Variants in NT5DC3 observed in about 807,000 individuals in gnomAD.
NT5DC3 encodes the protein 5'-nucleotidase domain containing 3.
In NT5DC3, 42 loss-of-function variants were observed where a neutral mutation model predicts 67.8. The ratio of observed to expected loss-of-function variants is 0.62; its 90% CI spans 0.48 to 0.80. The LOEUF (loss-of-function observed/expected upper bound fraction) is 0.80, where lower values mean the gene tolerates loss of function less well. NT5DC3 is among the 30% of genes least tolerant of loss of function. The pLI is 0.00. For missense variants in NT5DC3, 570 were observed against 696.4 expected (o/e 0.82, Z 2.04); for synonymous variants, 237 against 255.6 (o/e 0.93, Z 0.69).
chr12:103,790,343 T>C (rs1885990950), intron 9 of NT5DC3, among the ~76,000 whole-genome samples: 1 of 152,002 alleles, frequency 6.6e-6, no homozygotes, highest in African/African-American at 2.4e-5. Flanking sequence ...TGGTGCAACC[T>C]TGGCTCACTG....
At chr12:103,782,263 G>C (rs572891843) in intron 12 of NT5DC3, among the ~76,000 whole-genome samples, 2 of 152,160 alleles carry the variant, frequency 1.3e-5, no homozygotes, top group Non-Finnish European at 2.9e-5. Flanking sequence ...TAGCTACTCA[G>C]GAGGGTAGGC....
rs1286983561 is a variant in NT5DC3 at position 103,776,923 on chromosome 12, G to A, written c.*906C>T. 1 of 152,190 alleles carries A rather than the reference G, an allele frequency of 6.6e-6. No individual in the cohort carries two copies. The highest frequency in any genetic ancestry group is 1.9e-4 in the East Asian group (1 of 5,190). The allele number at this position is 152,190 out of a possible 1,614,324, so 9.4% of individuals were successfully genotyped here. The stretch of plus-strand genomic sequence containing the variant: ...AGGATTCCAATTCAACTGGGTGGGT[G>A]GCATGGCATAGCATTTCATGACAAA... On this transcript the variant is annotated 3_prime_UTR_variant, in exon 14 of 14. Coordinates refer to ENST00000392876, the MANE Select transcript of NT5DC3 (RefSeq NM_001031701.3).
intron 1 of NT5DC3, among the ~76,000 whole-genome samples, chr12:103,840,531 G>A (rs560226580): frequency 1.3e-4 from 20 of 148,392 alleles, no homozygotes; most frequent in Non-Finnish European, 2.8e-4. Context: ...CCCGCTCTTG[G>A]GCATCTCTGC....
intron 13 of NT5DC3, among the ~76,000 whole-genome samples, chr12:103,779,260 T>C (rs573632620): frequency 6.6e-6 from 1 of 152,176 alleles, no homozygotes; most frequent in African/African-American, 2.4e-5. Context: ...TACGGGCATG[T>C]ATATCTATAT....
At chr12:103,770,641 A>C (rs928962296), downstream of NT5DC3, 4 of 152,160 alleles carry the variant, frequency 2.6e-5, no homozygotes, top group African/African-American at 7.2e-5. Flanking sequence ...TCACTATGTT[A>C]CCCAGGCTGG....
At chr12:103,821,625 GGA>G (rs1278042022) in intron 1 of NT5DC3, among the ~76,000 whole-genome samples, 1 of 152,194 alleles carries the variant, frequency 6.6e-6, no homozygotes, top group African/African-American at 2.4e-5. Context: ...ACATAAATCT[GGA>G]GATGTGAGGG....
chr12:103,750,793 G>T, the NT5DC3 span: 7 of 1,504,480 alleles, frequency 4.7e-6, no homozygotes, highest in Non-Finnish European at 5.3e-6. Context: ...TCAAGGGAAA[G>T]AAGAAAAACA....
intron 10 of NT5DC3, among the ~76,000 whole-genome samples, 194 bp downstream of exon 10, chr12:103,788,644 G>C (rs534173614): frequency 1.3e-5 from 2 of 152,072 alleles, no homozygotes; most frequent in Non-Finnish European, 2.9e-5. Flanking sequence ...ATTCAATTTT[G>C]AGTTAGATAC....
At chr12:103,767,007 G>A (rs1377424377), downstream of NT5DC3, 1 of 152,318 alleles carries the variant, frequency 6.6e-6, no homozygotes, top group African/African-American at 2.4e-5. Flanking sequence ...TACAGCCACT[G>A]TAGAAAACAG....
intron 3 of NT5DC3, 83 bp from the exon 4 acceptor site, chr12:103,806,460 T>A (rs919002246): frequency 1.1e-5 from 11 of 969,604 alleles, no homozygotes; most frequent in Middle Eastern, 4.8e-4. Flanking sequence ...TCATCATATA[T>A]CCTATCAACA....
At position 103,784,374 on chromosome 12, in the gene NT5DC3, T is replaced by C. The variant is rs140112093; in HGVS notation, c.1329+961A>G. On this transcript the variant is annotated intron_variant, in intron 12 of 13. Transcript: ENST00000392876. ...GCCCAGGGGGACGTGCAGGGCCCCATGCTCTGGAATGCATGCACCTGGAGC... is the reference window on the plus strand; with the variant it reads ...GCCCAGGGGGACGTGCAGGGCCCCACGCTCTGGAATGCATGCACCTGGAGC... Among the ~76,000 whole-genome samples the C allele has an allele frequency of 3.2e-3, 489 of 152,340 alleles. 4 individuals carry two copies. The highest frequency in any genetic ancestry group is 0.011 in the African/African-American group (463 of 41,580).
rs1329200601 is a variant in NT5DC3 at position 103,797,073 on chromosome 12, ACG to A, written c.616-44_616-43del. 7 of 1,611,316 alleles carry A rather than the reference ACG, an allele frequency of 4.3e-6. No individual in the cohort carries two copies. The South Asian group carries it at 4.4e-5, about 10-fold the overall frequency. On this transcript the variant is annotated intron_variant, in intron 5 of 13. Transcript: ENST00000392876. ...AGGAATGCTTTAGAAACAGGGGCCC[ACG>A]CAAGGGACAGAGCCACGAAGCACCA...
At chr12:103,749,986 GA>G in the NT5DC3 span, among the ~76,000 whole-genome samples, 2 of 151,966 alleles carry the variant, frequency 1.3e-5, no homozygotes, top group Non-Finnish European at 2.9e-5. Context: ...CTCCTGGACT[GA>G]CAAGCTGTGT....
Position 103,841,147 on chromosome 12 carries a change from C to G in NT5DC3, c.10G>C (p.Ala4Pro). 1.3e-6 allele frequency: 1 copy of G among 790,572 alleles called. No homozygotes were observed. The highest frequency in any genetic ancestry group is 1.8e-6 in the Non-Finnish European group (1 of 549,828). 49.0% of individuals were successfully genotyped at this position (790,572 alleles called of 1,614,324 possible). A position where few individuals can be genotyped will look rare whatever the true frequency, so the allele number is the denominator to read the frequency against. Residue 4 changes from alanine to proline, a missense_variant, in exon 1 of 14, where the codon GCA (alanine) becomes CCA (proline). Coordinates refer to ENST00000392876, the MANE Select transcript of NT5DC3 (RefSeq NM_001031701.3). MTM[A>P]AAAVVARGAG... ...CCGCGTGCCACCACCGCCGCCGCTG[C>G]CATGGTCATGCCTGCTGCCTGCTGC...
intron 4 of NT5DC3, among the ~76,000 whole-genome samples, chr12:103,801,415 C>T (rs2139372245): frequency 8.9e-6 from 1 of 112,414 alleles, no homozygotes; most frequent in South Asian, 3.0e-4. Context: ...CGGAGTCTTG[C>T]TCTGTCGCCC....
At chr12:103,778,485 C>G (rs919599879) in intron 13 of NT5DC3, among the ~76,000 whole-genome samples, 4 of 152,148 alleles carry the variant, frequency 2.6e-5, no homozygotes, top group African/African-American at 9.7e-5. Context: ...AAGCAGAGAT[C>G]ATGCCACTGC....
chr12:103,758,146 TG>T, the NT5DC3 span: 1 of 1,613,780 alleles, frequency 6.2e-7, no homozygotes, highest in Non-Finnish European at 8.5e-7. Flanking sequence ...CTGGCCCCTC[TG>T]ATGACTTCCT....
At chr12:103,753,668 C>G in the NT5DC3 span, among the ~76,000 whole-genome samples, 1 of 152,182 alleles carries the variant, frequency 6.6e-6, no homozygotes, top group African/African-American at 2.4e-5. Context: ...CCTGATGTCA[C>G]CCAGCCAAGA....
rs190952111 is a variant in NT5DC3, at chr12:103,823,379, C to T, written c.209-8258G>A. ...TATATACCAGGCACTAAGAAGTACA[C>T]GACCTCACTTAATGCAAGACACTAT... On this transcript the variant is annotated intron_variant, in intron 1 of 13. Coordinates refer to ENST00000392876, the MANE Select transcript of NT5DC3 (RefSeq NM_001031701.3). 8.8e-4 allele frequency among the ~76,000 whole-genome samples: 134 copies of T among 152,208 alleles called. 1 individual carries two copies. Among genetic ancestry groups the T allele is most frequent in the African/African-American group, 2.8e-3 (116 of 41,520 alleles).
Sources: gnomAD v4.1 joint callset for allele counts (sites outside exome capture counted in the v4.1 genomes callset) on GRCh38, gnomAD v4.1.1 for gene constraint, MANE v1.5 for transcripts, NCBI Gene and HGNC (gene_info 2026-07-23, HGNC 2026-07-21) for gene names.